WDR74: variants seen among roughly 807,000 people sequenced by gnomAD.
WDR74 encodes WD repeat domain 74, also known as WD repeat-containing protein 74.
In WDR74, 31 loss-of-function variants were observed where a neutral mutation model predicts 45.6. The observed-to-expected ratio is 0.68, with a 90% CI of 0.51 to 0.92. WDR74 has a LOEUF of 0.92. Ranked by LOEUF, WDR74 falls within the 40% of genes least tolerant of loss-of-function variation. The pLI, the probability that WDR74 is intolerant of heterozygous loss-of-function variation, is 0.00. For synonymous variants in WDR74, 191 were observed against 192.4 expected (o/e 0.99, Z 0.06); for missense variants, 455 against 497.2 (o/e 0.92, Z 0.81).
At chr11:62,838,973 A>T in intron 3 of WDR74, 141 bp downstream of exon 3, 1 of 1,197,096 alleles carries the variant, frequency 8.4e-7, no homozygotes. Flanking sequence ...GGTATGAACT[A>T]CATAAGGCAG....
At position 62,835,747 on chromosome 11, in the gene WDR74, A is replaced by C. The variant is rs755356164; in HGVS notation, c.464T>G (p.Leu155Trp). 6.2e-7 allele frequency: 1 copy of C among 1,613,880 alleles called. No individual in the cohort carries two copies. Among genetic ancestry groups the C allele is most frequent in the South Asian group, 1.1e-5 (1 of 91,082 alleles). Residue 155 changes from leucine (L) to tryptophan (W), a missense_variant, in exon 5 of 11, where the codon TTG (leucine) becomes TGG (tryptophan). Transcript: ENST00000278856. ...VVATGGKENALKIWDLQGSEE... is the reference protein window; with the variant it reads ...VVATGGKENAWKIWDLQGSEE... ...AGAGCCCTGCAGGTCCCATATCTTC[A>C]AAGCATTCTCTTTCCCACCTGTGGC...
chr11:62,840,773 C>T (rs140050755), upstream of WDR74, among the ~76,000 whole-genome samples: 4 of 152,326 alleles, frequency 2.6e-5, no homozygotes, highest in East Asian at 5.8e-4. Flanking sequence ...TTAGTGAAGA[C>T]GGGATTTTTC....
intron 5 of WDR74, 37 bp from the exon 6 acceptor site, chr11:62,835,569 G>A (rs1423671835): frequency 7.4e-6 from 12 of 1,613,250 alleles, no homozygotes; most frequent in Non-Finnish European, 1.0e-5. Context: ...GGGCTATGGG[G>A]GGCTCGATGT....
At position 62,833,859 on chromosome 11, in the gene WDR74, G is replaced by A; in HGVS notation, c.854C>T (p.Ala285Val). ...CAAGACTCTGTCCAAGCCACAGGAG[G>A]CTAGTAGAGGCTTTGAAGGGTGGCA... is the stretch of plus-strand genomic sequence containing the variant. ...LQCHPSKPLLASCGLDRVLRI... is the reference protein window; with the variant it reads ...LQCHPSKPLLVSCGLDRVLRI... Residue 285 changes from alanine (A) to valine (V), a missense_variant, in exon 9 of 11, where the codon GCC becomes GTC. Transcript: ENST00000278856. 6 of 1,613,976 alleles carry A rather than the reference G, an allele frequency of 3.7e-6. No individual in the cohort carries two copies. Among genetic ancestry groups the A allele is most frequent in the Non-Finnish European group, 5.1e-6 (6 of 1,179,888 alleles).
In WDR74 at chr11:62,835,530, C is replaced by T; in HGVS notation, c.519G>A (p.Val173=). ...SEEPVFRAKN[V]RNDWLDLRVP... ...CCCGCAAGTCCAGCCAGTCATTCCG[C>T]ACCTGGTGGGGTGGGCAGATGGAGG... is the stretch of plus-strand genomic sequence containing the variant. Residue 173 remains valine, a splice_region_variant and synonymous_variant, in exon 6 of 11, where the codon GTG becomes GTA. Coordinates refer to ENST00000278856, the MANE Select transcript of WDR74 (RefSeq NM_001369450.1). The T allele has an allele frequency of 1.9e-6, 3 of 1,613,938 alleles. No homozygotes were observed. Among genetic ancestry groups the T allele is most frequent in the Non-Finnish European group, 2.5e-6 (3 of 1,179,858 alleles).
At position 62,834,259 on chromosome 11, in the gene WDR74, T is replaced by C. The variant is rs374802207; in HGVS notation, c.775+17A>G. 1.3e-5 allele frequency: 21 copies of C among 1,613,804 alleles called. No homozygotes were observed. The African/African-American group carries it at 1.3e-4, about 10-fold the overall frequency. Reference sequence around the variant, plus strand: ...CCCTGCTCCTTCCTTTCCCCCAATGTACCCTAGTCCACTCACCTTGCCGAA... The same window carrying C: ...CCCTGCTCCTTCCTTTCCCCCAATGCACCCTAGTCCACTCACCTTGCCGAA... On this transcript the variant is annotated intron_variant, in intron 8 of 10. Coordinates refer to ENST00000278856, the MANE Select transcript of WDR74 (RefSeq NM_001369450.1).
At position 62,834,443 on chromosome 11, in the gene WDR74, G is replaced by A. The variant is rs755846208; in HGVS notation, c.703C>T (p.Leu235Phe). ...AACACTCACTTGCCTCCCGGAGTGA[G>A]GGTCATGGCTGTTAGTGGGTACTCT... ...YGEYPLTAMT[L>F]TPGGNSVIVG... The change falls in exon 7 of 11, where the codon CTC (leucine) becomes TTC (phenylalanine). Residue 235 changes from leucine to phenylalanine, a missense_variant. By Grantham distance (22) the Leu-to-Phe change is conservative. Transcript: ENST00000278856. 2.8e-5 allele frequency: 45 copies of A among 1,610,976 alleles called. No individual in the cohort carries two copies. Among genetic ancestry groups the A allele is most frequent in the Middle Eastern group, 1.7e-4 (1 of 6,056 alleles).
rs1394971546 is a variant in WDR74 at position 62,839,521 on chromosome 11, G to T, written c.50C>A (p.Thr17Asn). 1.2e-6 allele frequency: 2 copies of T among 1,613,670 alleles called. No individual in the cohort carries two copies. The highest frequency in any genetic ancestry group is 4.5e-5 in the East Asian group (2 of 44,872). Residue 17 changes from threonine to asparagine, a missense_variant, in exon 1 of 11, where the codon ACT becomes AAT. Thr to Asn is a moderately conservative substitution (Grantham distance 65). Coordinates refer to ENST00000278856, the MANE Select transcript of WDR74 (RefSeq NM_001369450.1). ...RWNHVWVGTE[T>N]GILKGVNLQR... is the part of the protein sequence containing the mutation. Reference sequence around the variant, plus strand: ...CTGCCACCCACCTTTCAAGATCCCAGTCTCGGTGCCGACCCACACATGGTT... The same window carrying T: ...CTGCCACCCACCTTTCAAGATCCCATTCTCGGTGCCGACCCACACATGGTT...
upstream of WDR74, chr11:62,839,750 G>A (rs1272371641): frequency 1.3e-6 from 1 of 750,182 alleles, no homozygotes; most frequent in Non-Finnish European, 2.1e-6. Flanking sequence ...ATGTAGATCG[G>A]AAGAATACAT....
upstream of WDR74, among the ~76,000 whole-genome samples, chr11:62,841,393 C>A (rs1037712753): frequency 2.6e-5 from 4 of 151,742 alleles, no homozygotes; most frequent in African/African-American, 9.7e-5. Flanking sequence ...TCCAACTACC[C>A]CAGAGGCTGA....
upstream of WDR74, chr11:62,839,685 T>C: frequency 7.8e-7 from 1 of 1,280,528 alleles, no homozygotes; most frequent in Non-Finnish European, 1.1e-6. Flanking sequence ...GCCGAAACAG[T>C]AAAGCTTCCA....
Position 62,834,454 on chromosome 11 carries a change from G to A in WDR74, c.692C>T (p.Thr231Ile). The A allele has an allele frequency of 6.2e-7, 1 of 1,609,528 alleles. No individual in the cohort carries two copies. The highest frequency in any genetic ancestry group is 8.5e-7 in the Non-Finnish European group (1 of 1,179,398). The change falls in exon 7 of 11, where the codon ACA becomes ATA. Residue 231 changes from threonine (T) to isoleucine (I), a missense_variant. Physicochemically the swap from Thr to Ile is moderately conservative, Grantham distance 89. Transcript: ENST00000278856. ...LETTYGEYPL[T>I]AMTLTPGGNS... Reference sequence around the variant, plus strand: ...GCCTCCCGGAGTGAGGGTCATGGCTGTTAGTGGGTACTCTCCATAGGTGGT... The same window carrying A: ...GCCTCCCGGAGTGAGGGTCATGGCTATTAGTGGGTACTCTCCATAGGTGGT...
At chr11:62,837,884 G>A (rs1299534281) in intron 3 of WDR74, among the ~76,000 whole-genome samples, 1 of 152,168 alleles carries the variant, frequency 6.6e-6, no homozygotes, top group Non-Finnish European at 1.5e-5. Flanking sequence ...TTGAGCTCAA[G>A]TTGAGCCCAG....
upstream of WDR74, chr11:62,841,635 C>G (rs576316337): frequency 1.3e-5 from 2 of 152,234 alleles, no homozygotes; most frequent in East Asian, 1.9e-4. Context: ...TGCACCGTTC[C>G]TGGAAGTACT....
At chr11:62,833,318 A>G (rs2084903915) in intron 10 of WDR74, among the ~76,000 whole-genome samples, 187 bp from the exon 11 acceptor site, 3 of 150,790 alleles carry the variant, frequency 2.0e-5, no homozygotes, top group African/African-American at 7.3e-5. Context: ...AAAAAAAAAA[A>G]AAAAAGAAAA....
rs767849189 is a variant in WDR74 at position 62,839,325 on chromosome 11, G to C, written c.168C>G (p.Thr56=). The C allele has an allele frequency of 7.2e-5, 116 of 1,610,476 alleles. No homozygotes were observed. The highest frequency in any genetic ancestry group is 9.5e-5 in the Non-Finnish European group (112 of 1,179,546). The part of the protein sequence containing the change: ...SALCWGTGGE[T]QMLVGCADRT... Reference sequence around the variant, plus strand: ...GGCCCGACCAGGGGCCACTCACCTGGGTCTCGCCGCCGGTGCCCCAACACA... The same window carrying C: ...GGCCCGACCAGGGGCCACTCACCTGCGTCTCGCCGCCGGTGCCCCAACACA... The change falls in exon 2 of 11, where the codon ACC becomes ACG. Residue 56 remains threonine (T), a synonymous_variant. Coordinates refer to ENST00000278856, the MANE Select transcript of WDR74 (RefSeq NM_001369450.1).
At chr11:62,841,364 G>C (rs1007741705), upstream of WDR74, among the ~76,000 whole-genome samples, 6 of 152,250 alleles carry the variant, frequency 3.9e-5, no homozygotes, top group South Asian at 2.1e-4. Context: ...GCCGGGGGTG[G>C]TGGCAAGCGC....
upstream of WDR74, chr11:62,841,634 C>CA (rs1164623739): frequency 6.6e-6 from 1 of 152,228 alleles, no homozygotes; most frequent in African/African-American, 2.4e-5. Flanking sequence ...GTGCACCGTT[C>CA]CTGGAAGTAC....
rs1193811180 is a variant in WDR74 at position 62,833,945 on chromosome 11, AG to A, written c.776-9del. ...GACAGCCCAGTAGACGCCCTAGAGAAGGGGGGAAGCATCCGTGATAACTGGC... is the reference window on the plus strand; with the variant it reads ...GACAGCCCAGTAGACGCCCTAGAGAAGGGGGAAGCATCCGTGATAACTGGC... On this transcript the variant is annotated splice_polypyrimidine_tract_variant and intron_variant, in intron 8 of 10. Coordinates refer to ENST00000278856, the MANE Select transcript of WDR74 (RefSeq NM_001369450.1). 3 of 1,612,072 alleles carry A rather than the reference AG, an allele frequency of 1.9e-6. No individual in the cohort carries two copies. Among genetic ancestry groups the A allele is most frequent in the Non-Finnish European group, 2.5e-6 (3 of 1,178,922 alleles).
Sources: allele counts gnomAD v4.1 joint callset (sites outside exome capture counted in the v4.1 genomes callset), GRCh38; gene constraint gnomAD v4.1.1; transcripts MANE v1.5; gene names NCBI Gene and HGNC (gene_info 2026-07-23, HGNC 2026-07-21).